Variants in TSPAN18 observed in about 807,000 individuals in gnomAD.
The protein encoded by TSPAN18 is tetraspanin-18.
Under a neutral mutation model 27.3 loss-of-function variants are expected in TSPAN18, and 14 were observed. The observed-to-expected ratio is 0.51, with a 90% CI of 0.34 to 0.80. TSPAN18 has a LOEUF of 0.80. Ranked by LOEUF, TSPAN18 falls within the 30% of genes least tolerant of loss-of-function variation. TSPAN18 has a pLI of 0.01. For synonymous variants in TSPAN18, 143 were observed against 136.5 expected, an observed-to-expected ratio of 1.05 and a Z score of -0.33; for missense variants, 268 against 323.9, an observed-to-expected ratio of 0.83 and a Z score of 1.32.
In TSPAN18 at chr11:44,789,912, G is replaced by GC. The variant is rs1268730458; in HGVS notation, c.-153+25405dup. On this transcript the variant is annotated intron_variant, in intron 2 of 9. Coordinates refer to ENST00000520358, the MANE Select transcript of TSPAN18 (RefSeq NM_130783.5). The stretch of plus-strand genomic sequence containing the variant: ...GTGCCAGGCTCAGAGGAGCTGGAAG[G>GC]CCCCCTGGAGCTCTTCTCCAATGCC... Among the ~76,000 whole-genome samples the GC allele has an allele frequency of 3.9e-5, 6 of 152,200 alleles. No homozygotes were observed. In the East Asian group the frequency reaches 7.8e-4, roughly 20 times the overall value.
At chr11:44,902,462 C>A (rs1057345871) in intron 3 of TSPAN18, among the ~76,000 whole-genome samples, 5 of 152,144 alleles carry the variant, frequency 3.3e-5, no homozygotes, top group Admixed American at 6.5e-5. Flanking sequence ...CCTGGGGGAC[C>A]GTTCTGTAGG....
At chr11:44,788,206 G>C (rs1236726518) in intron 2 of TSPAN18, among the ~76,000 whole-genome samples, 2 of 152,204 alleles carry the variant, frequency 1.3e-5, no homozygotes, top group African/African-American at 4.8e-5. Context: ...TCAGTCCCCA[G>C]ATGGGCGGGA....
At chr11:44,898,967 C>G (rs1256532611) in intron 3 of TSPAN18, among the ~76,000 whole-genome samples, 2 of 152,154 alleles carry the variant, frequency 1.3e-5, no homozygotes, top group Non-Finnish European at 2.9e-5. Context: ...TATTAGACAC[C>G]CATCTGTAAG....
At chr11:44,755,088 C>T (rs932586355) in intron 1 of TSPAN18, among the ~76,000 whole-genome samples, 1 of 152,160 alleles carries the variant, frequency 6.6e-6, no homozygotes, top group African/African-American at 2.4e-5. Flanking sequence ...TGAGAATAAA[C>T]AGTCTCAGGC....
chr11:44,787,963 C>G (rs1241377443), intron 2 of TSPAN18, among the ~76,000 whole-genome samples: 3 of 152,186 alleles, frequency 2.0e-5, no homozygotes, highest in Non-Finnish European at 4.4e-5. Context: ...CTACTAGGAG[C>G]CTGGTCCAGG....
intron 2 of TSPAN18, among the ~76,000 whole-genome samples, chr11:44,816,017 T>C (rs1368702408): frequency 6.6e-6 from 1 of 152,180 alleles, no homozygotes; most frequent in Non-Finnish European, 1.5e-5. Context: ...CACCAGAATA[T>C]AAAAACCTGA....
intron 2 of TSPAN18, among the ~76,000 whole-genome samples, chr11:44,808,537 T>C (rs1856649304): frequency 6.6e-6 from 1 of 152,198 alleles, no homozygotes; most frequent in Non-Finnish European, 1.5e-5. Context: ...CTCTCACTTT[T>C]CTCTGCAGCA....
At chr11:44,903,734 C>T (rs1484734597) in intron 3 of TSPAN18, 7 of 455,728 alleles carry the variant, frequency 1.5e-5, no homozygotes, top group Non-Finnish European at 3.1e-5. Flanking sequence ...AGGCCATGCT[C>T]ACTGAAGTAA....
intron 2 of TSPAN18, among the ~76,000 whole-genome samples, chr11:44,842,334 T>C (rs1274493721): frequency 6.6e-6 from 1 of 152,218 alleles, no homozygotes; most frequent in Non-Finnish European, 1.5e-5. Context: ...ACGCTCACTG[T>C]AGTAACTGCA....
chr11:44,897,827 A>T, intron 3 of TSPAN18: 1 of 1,289,426 alleles, frequency 7.8e-7, no homozygotes, highest in Non-Finnish European at 1.0e-6. Context: ...AGAACTGCCC[A>T]GGTGACACAT....
At chr11:44,739,797 GTT>G (rs35883441) in intron 1 of TSPAN18, among the ~76,000 whole-genome samples, 53,553 of 152,078 alleles carry the variant, frequency 0.35, 13,465 homozygotes, top group East Asian at 0.82. Flanking sequence ...GCTCCTATGG[GTT>G]TTTCCAGCCT....
intron 2 of TSPAN18, among the ~76,000 whole-genome samples, chr11:44,837,799 C>T (rs1857292976): frequency 6.6e-6 from 1 of 152,226 alleles, no homozygotes; most frequent in South Asian, 2.1e-4. Context: ...CGATATTTAG[C>T]ATTTTTTAGC....
At chr11:44,896,781 T>TACCACCACC (rs1555000632) in intron 3 of TSPAN18, among the ~76,000 whole-genome samples, 6 of 151,772 alleles carry the variant, frequency 4.0e-5, no homozygotes, top group Non-Finnish European at 8.8e-5. Flanking sequence ...TCCTCCACGC[T>TACCACCACC]GCCACCACCA....
At chr11:44,778,038 A>C (rs909914546) in intron 2 of TSPAN18, among the ~76,000 whole-genome samples, 11 of 152,138 alleles carry the variant, frequency 7.2e-5, no homozygotes, top group Admixed American at 2.0e-4. Context: ...GAGGTTGAGC[A>C]GATGGGAATT....
chr11:44,797,690 G>A (rs1224860466), intron 2 of TSPAN18, among the ~76,000 whole-genome samples: 7 of 152,200 alleles, frequency 4.6e-5, no homozygotes, highest in Admixed American at 3.9e-4. Context: ...CAAAGGCACT[G>A]ACGGGATGAG....
chr11:44,734,375 T>A lies in TSPAN18; in HGVS notation c.-240+7088T>A, dbSNP rs1012020485. 2.0e-5 allele frequency among the ~76,000 whole-genome samples: 3 copies of A among 152,244 alleles called. No homozygotes were observed. The South Asian group carries it at 6.2e-4, about 31-fold the overall frequency. On this transcript the variant is annotated intron_variant, in intron 1 of 9. Transcript: ENST00000520358. ...TAGGTTAAAATCCTGACTGCTCCAC[T>A]TAACACTTGTTCATCTCTCTTAGCC...
chr11:44,911,427 G>C (rs16938126), intron 5 of TSPAN18, among the ~76,000 whole-genome samples: 18,378 of 152,146 alleles, frequency 0.12, 1,580 homozygotes, highest in African/African-American at 0.24. Context: ...GAGTGACAAG[G>C]AGCCTTGGGC....
chr11:44,879,611 G>A (rs1858434873), intron 3 of TSPAN18, among the ~76,000 whole-genome samples: 1 of 152,250 alleles, frequency 6.6e-6, no homozygotes, highest in Non-Finnish European at 1.5e-5. Context: ...TGCTTGCCAT[G>A]GTGGAAAAGG....
intron 2 of TSPAN18, among the ~76,000 whole-genome samples, chr11:44,774,047 A>C (rs4755892): frequency 0.13 from 20,354 of 152,050 alleles, 1,881 homozygotes; most frequent in Non-Finnish European, 0.2. Context: ...TAGCCCATGG[A>C]GGCAGCTGTT....
Sources: gnomAD v4.1 joint callset for allele counts (sites outside exome capture counted in the v4.1 genomes callset) on GRCh38, gnomAD v4.1.1 for gene constraint, MANE v1.5 for transcripts, NCBI Gene and HGNC (gene_info 2026-07-23, HGNC 2026-07-21) for gene names.